The following SPON1 variants were observed in gnomAD, a reference collection of about 807,000 sequenced individuals.
SPON1 encodes spondin 1.
In SPON1, 52 loss-of-function variants were observed where a neutral mutation model predicts 111.7. That is an observed-to-expected ratio of 0.47 (90% CI 0.37 to 0.59). SPON1 has a LOEUF of 0.59. SPON1 is among the 20% of genes least tolerant of loss of function. The pLI, the probability that SPON1 is intolerant of heterozygous loss-of-function variation, is 0.00. For missense variants in SPON1, 957 were observed against 1,068.5 expected (o/e 0.90, Z 1.46); for synonymous variants, 410 against 395.8 (o/e 1.04, Z -0.43).
intron 6 of SPON1, among the ~76,000 whole-genome samples, chr11:14,225,843 C>T (rs1424368067): frequency 2.6e-5 from 4 of 152,194 alleles, no homozygotes; most frequent in Non-Finnish European, 5.9e-5. Context: ...AAGAGAACTG[C>T]AGACAGGGGT....
chr11:14,119,603 T>A (rs75379324), intron 5 of SPON1, among the ~76,000 whole-genome samples: 3 of 152,170 alleles, frequency 2.0e-5, no homozygotes, highest in African/African-American at 7.2e-5. Context: ...GCCATAGTTG[T>A]GGCTGAAATT....
chr11:14,206,172 G>A (rs1382807013), intron 6 of SPON1, among the ~76,000 whole-genome samples: 6 of 152,068 alleles, frequency 3.9e-5, no homozygotes, highest in Admixed American at 1.3e-4. Context: ...CAGTATGTGA[G>A]ATGTGAGACA....
chr11:14,038,131 A>C (rs542305719), intron 2 of SPON1, among the ~76,000 whole-genome samples: 1 of 151,612 alleles, frequency 6.6e-6, no homozygotes, highest in Non-Finnish European at 1.5e-5. Flanking sequence ...GTGCCACTGC[A>C]CTCCAGCCTG....
intron 6 of SPON1, among the ~76,000 whole-genome samples, chr11:14,151,346 G>A (rs1248142530): frequency 1.3e-5 from 2 of 152,174 alleles, no homozygotes; most frequent in South Asian, 4.1e-4. Flanking sequence ...GGGTGGACCT[G>A]CAAAGAAAGG....
At chr11:14,209,381 A>G (rs1554936457) in intron 6 of SPON1, among the ~76,000 whole-genome samples, 1 of 152,130 alleles carries the variant, frequency 6.6e-6, no homozygotes, top group African/African-American at 2.4e-5. Context: ...CATCTACATT[A>G]GGTATTTCTC....
intron 13 of SPON1, 54 bp from the exon 14 acceptor site, chr11:14,260,534 T>G: frequency 1.3e-6 from 2 of 1,571,864 alleles, no homozygotes; most frequent in Non-Finnish European, 1.7e-6. Context: ...GTCAGGGAGA[T>G]CAACGAAAAC....
chr11:14,264,604 A>C (rs1323827077), intron 15 of SPON1, among the ~76,000 whole-genome samples: 5 of 152,230 alleles, frequency 3.3e-5, no homozygotes, highest in Non-Finnish European at 7.3e-5. Context: ...TCTGTTCTAC[A>C]TGGTAGTCAG....
chr11:14,094,101 A>G (rs1033112760), intron 5 of SPON1, among the ~76,000 whole-genome samples: 4 of 151,434 alleles, frequency 2.6e-5, no homozygotes, highest in Non-Finnish European at 5.9e-5. Flanking sequence ...AATTCCAACT[A>G]CTCAGGAGGC....
At chr11:13,997,622 G>A (rs1363200724) in intron 2 of SPON1, among the ~76,000 whole-genome samples, 1 of 152,154 alleles carries the variant, frequency 6.6e-6, no homozygotes, top group Non-Finnish European at 1.5e-5. Context: ...CCACTAAGGA[G>A]CACATCTGAA....
chr11:13,979,512 G>A lies in SPON1; in HGVS notation c.239-3335G>A, dbSNP rs184116461. Among the ~76,000 whole-genome samples the A allele has an allele frequency of 3.3e-5, 5 of 152,284 alleles. No homozygotes were observed. In the East Asian group the frequency reaches 9.7e-4, roughly 29 times the overall value. On this transcript the variant is annotated intron_variant, in intron 1 of 15. Transcript: ENST00000576479. ...CCAGGGGAAACTAGTAAGAGAGTAG[G>A]GGAAGCAGGACAGCAACTGGGAAGG...
At chr11:14,241,859 G>A (rs1452591046) in intron 6 of SPON1, among the ~76,000 whole-genome samples, 1 of 152,188 alleles carries the variant, frequency 6.6e-6, no homozygotes, top group Non-Finnish European at 1.5e-5. Context: ...TGCTTTGCCT[G>A]CAGACATGTG....
At chr11:14,077,002 A>G (rs1469817257) in intron 4 of SPON1, among the ~76,000 whole-genome samples, 1 of 152,240 alleles carries the variant, frequency 6.6e-6, no homozygotes, top group East Asian at 1.9e-4. Flanking sequence ...TTCCTCAATG[A>G]CAATCCCATC....
intron 5 of SPON1, among the ~76,000 whole-genome samples, chr11:14,080,788 A>T (rs1554921987): frequency 1.3e-5 from 2 of 152,098 alleles, no homozygotes; most frequent in African/African-American, 4.8e-5. Context: ...CCACCTTGAA[A>T]TCCCTTCATG....
chr11:14,181,401 G>A (rs1380714157), intron 6 of SPON1, among the ~76,000 whole-genome samples: 3 of 152,176 alleles, frequency 2.0e-5, no homozygotes, highest in African/African-American at 7.2e-5. Context: ...GTCAGTATCA[G>A]GCAGCATCCA....
intron 6 of SPON1, among the ~76,000 whole-genome samples, chr11:14,160,455 T>A (rs868973027): frequency 0.025 from 189 of 7,548 alleles, 18 homozygotes; most frequent in East Asian, 0.057. Flanking sequence ...ATATATATAT[T>A]TATATATATA....
chr11:14,242,282 C>T (rs1373294414), intron 6 of SPON1, among the ~76,000 whole-genome samples: 1 of 152,244 alleles, frequency 6.6e-6, no homozygotes, highest in Non-Finnish European at 1.5e-5. Flanking sequence ...TGCTGCCAGG[C>T]ACGACTCTAA....
intron 7 of SPON1, among the ~76,000 whole-genome samples, chr11:14,248,528 C>T (rs557613876): frequency 1.3e-3 from 200 of 152,170 alleles, no homozygotes; most frequent in Non-Finnish European, 2.3e-3. Flanking sequence ...CCCAAAACCT[C>T]TGCACTCGGC....
At chr11:14,132,857 A>G (rs986942782) in intron 5 of SPON1, among the ~76,000 whole-genome samples, 1 of 152,204 alleles carries the variant, frequency 6.6e-6, no homozygotes, top group Non-Finnish European at 1.5e-5. Flanking sequence ...TTGACTGTCT[A>G]TTGTGTGCCA....
At chr11:14,099,844 G>A (rs964285896) in intron 5 of SPON1, among the ~76,000 whole-genome samples, 2 of 152,086 alleles carry the variant, frequency 1.3e-5, no homozygotes, top group South Asian at 2.1e-4. Flanking sequence ...AAGGCCAAGC[G>A]GAAGCAACTG....
Sources: gnomAD v4.1 joint callset for allele counts (sites outside exome capture counted in the v4.1 genomes callset) on GRCh38, gnomAD v4.1.1 for gene constraint, MANE v1.5 for transcripts, NCBI Gene and HGNC (gene_info 2026-07-23, HGNC 2026-07-21) for gene names.